OSBPL6: variants seen among roughly 807,000 people sequenced by gnomAD.
The protein encoded by OSBPL6 is oxysterol binding protein like 6.
In OSBPL6, 49 loss-of-function variants were observed where a neutral mutation model predicts 125.8. The ratio of observed to expected loss-of-function variants is 0.39; its 90% CI spans 0.31 to 0.49. OSBPL6 has a LOEUF of 0.49. Ranked by LOEUF, OSBPL6 falls within the 20% of genes least tolerant of loss-of-function variation. OSBPL6 has a pLI of 0.88. For missense variants in OSBPL6, 986 were observed against 1,135.4 expected, an observed-to-expected ratio of 0.87 and a Z score of 1.89; for synonymous variants, 394 against 391.8, an observed-to-expected ratio of 1.01 and a Z score of -0.07.
intron 1 of OSBPL6, among the ~76,000 whole-genome samples, chr2:178,247,244 T>C (rs1206857989): frequency 6.6e-6 from 1 of 152,168 alleles, no homozygotes; most frequent in Non-Finnish European, 1.5e-5. Flanking sequence ...TCAACTCTCA[T>C]TGCATTTCTT....
At chr2:178,296,956 CA>C (rs1685812099) in intron 2 of OSBPL6, among the ~76,000 whole-genome samples, 1 of 152,044 alleles carries the variant, frequency 6.6e-6, no homozygotes, top group Non-Finnish European at 1.5e-5. Context: ...GACAGGTTTT[CA>C]AAATTCTGCT....
In OSBPL6 at chr2:178,385,500, A is replaced by G; in HGVS notation, c.2056A>G (p.Lys686Glu). Residue 686 changes from lysine (K) to glutamate (E), a missense_variant, in exon 19 of 25, where the codon AAG becomes GAG. This residue lies in a region of OSBPL6 where 843 missense variants were observed against 997.3 expected (regional missense o/e 0.85). Coordinates refer to ENST00000190611, the MANE Select transcript of OSBPL6 (RefSeq NM_032523.4). ...CATTTCTGCCTGTCACTGTGAATCA[A>G]AGAATTTTGTGTTTTGGCAAGGTTT... ...PPISACHCES[K>E]NFVFWQDIRW... The G allele has an allele frequency of 6.2e-7, 1 of 1,610,966 alleles. No homozygotes were observed. Among genetic ancestry groups the G allele is most frequent in the Non-Finnish European group, 8.5e-7 (1 of 1,177,542 alleles).
At position 178,216,942 on chromosome 2, in the gene OSBPL6, G is replaced by A. The variant is rs187234599; in HGVS notation, c.-351+22268G>A. Among the ~76,000 whole-genome samples the A allele has an allele frequency of 4.6e-5, 7 of 152,282 alleles. No individual in the cohort carries two copies. In the East Asian group the frequency reaches 9.6e-4, roughly 21 times the overall value. On this transcript the variant is annotated intron_variant, in intron 1 of 24. Coordinates refer to ENST00000190611, the MANE Select transcript of OSBPL6 (RefSeq NM_032523.4). ...TGAAGAAGAGATTGGATAACTAAAT[G>A]TAATGCATGGTCCCAAATTGGATCC...
chr2:178,313,753 A>G (rs994813277), intron 3 of OSBPL6, among the ~76,000 whole-genome samples: 1 of 152,208 alleles, frequency 6.6e-6, no homozygotes, highest in African/African-American at 2.4e-5. Flanking sequence ...ATCAACAGCA[A>G]TGCATTTCAA....
At chr2:178,257,096 A>C (rs979944856) in intron 1 of OSBPL6, among the ~76,000 whole-genome samples, 1 of 152,376 alleles carries the variant, frequency 6.6e-6, no homozygotes, top group Admixed American at 6.5e-5. Context: ...GTTTCTAAGT[A>C]CAGTTGAGTC....
chr2:178,398,421 C>T lies in OSBPL6; in HGVS notation c.*2862C>T, dbSNP rs1695978287. 6.6e-6 allele frequency: 1 copy of T among 152,200 alleles called. No homozygotes were observed. Among genetic ancestry groups the T allele is most frequent in the African/African-American group, 2.4e-5 (1 of 41,436 alleles). 9.4% of individuals were successfully genotyped at this position (152,200 alleles called of 1,614,324 possible). A position where few individuals can be genotyped will look rare whatever the true frequency, so the allele number is the denominator to read the frequency against. On this transcript the variant is annotated 3_prime_UTR_variant, in exon 25 of 25. Coordinates refer to ENST00000190611, the MANE Select transcript of OSBPL6 (RefSeq NM_032523.4). ...TAATAAGTGACGATGATTCTGAGGA[C>T]TTGGCTAGACTGAGCGGATCAATGG...
chr2:178,272,600 G>A (rs1471335716), intron 1 of OSBPL6, among the ~76,000 whole-genome samples: 5 of 152,018 alleles, frequency 3.3e-5, no homozygotes, highest in African/African-American at 4.8e-5. Flanking sequence ...ATCACTAGTC[G>A]GTAAATGCCC....
intron 1 of OSBPL6, among the ~76,000 whole-genome samples, chr2:178,255,897 C>T (rs961295804): frequency 2.0e-5 from 3 of 152,100 alleles, no homozygotes; most frequent in African/African-American, 7.2e-5. Flanking sequence ...TGGAAGAAAA[C>T]GTTTGGTCCA....
intron 11 of OSBPL6, among the ~76,000 whole-genome samples, chr2:178,343,744 T>G (rs1690439699): frequency 6.6e-6 from 1 of 152,154 alleles, no homozygotes; most frequent in Non-Finnish European, 1.5e-5. Flanking sequence ...GATAGTGAGC[T>G]GTATAATAGG....
intron 1 of OSBPL6, among the ~76,000 whole-genome samples, chr2:178,251,924 A>G (rs1005537358): frequency 6.6e-6 from 1 of 152,090 alleles, no homozygotes; most frequent in African/African-American, 2.4e-5. Flanking sequence ...GCTTTCTTGT[A>G]TTTTCATGCT....
intron 2 of OSBPL6, among the ~76,000 whole-genome samples, chr2:178,298,338 T>C (rs1474667389): frequency 1.3e-5 from 2 of 152,242 alleles, no homozygotes. Context: ...ATGGACATGG[T>C]TGTACAGTAT....
At chr2:178,318,674 C>T (rs558792321) in intron 3 of OSBPL6, among the ~76,000 whole-genome samples, 1 of 152,204 alleles carries the variant, frequency 6.6e-6, no homozygotes, top group Non-Finnish European at 1.5e-5. Flanking sequence ...TCTCAACTCA[C>T]GTTGACAGCT....
At chr2:178,229,043 C>G (rs1004461407) in intron 1 of OSBPL6, among the ~76,000 whole-genome samples, 1 of 152,166 alleles carries the variant, frequency 6.6e-6, no homozygotes, top group Non-Finnish European at 1.5e-5. Flanking sequence ...ATGAGGGCCT[C>G]GTGCTGCTTC....
At position 178,398,774 on chromosome 2, in the gene OSBPL6, C is replaced by T. The variant is rs1695999663; in HGVS notation, c.*3215C>T. 6.6e-6 allele frequency: 1 copy of T among 152,006 alleles called. No individual in the cohort carries two copies. The highest frequency in any genetic ancestry group is 2.4e-5 in the African/African-American group (1 of 41,386). The allele number at this position is 152,006 out of a possible 1,614,324, so 9.4% of individuals were successfully genotyped here. On this transcript the variant is annotated 3_prime_UTR_variant, in exon 25 of 25. Coordinates refer to ENST00000190611, the MANE Select transcript of OSBPL6 (RefSeq NM_032523.4). ...ACCTTTTCCTCTAGATTATTCTGGC[C>T]CTAGGCCTTTCAGCAACCCCACTAA...
intron 5 of OSBPL6, among the ~76,000 whole-genome samples, chr2:178,328,655 T>C (rs932816749): frequency 3.3e-5 from 5 of 152,084 alleles, no homozygotes; most frequent in African/African-American, 1.2e-4. Flanking sequence ...GCCTGACTAA[T>C]TTTTTTATTT....
chr2:178,237,922 A>G (rs2091127592), intron 1 of OSBPL6, among the ~76,000 whole-genome samples: 1 of 152,210 alleles, frequency 6.6e-6, no homozygotes, highest in Admixed American at 6.5e-5. Flanking sequence ...CCACTGAATC[A>G]TCATCCAGTC....
At position 178,308,930 on chromosome 2, in the gene OSBPL6, C is replaced by G. The variant is rs528580659; in HGVS notation, c.102+2644C>G. Among the ~76,000 whole-genome samples, 8 of 152,290 alleles carry G rather than the reference C, an allele frequency of 5.3e-5. No homozygotes were observed. The South Asian group carries it at 1.7e-3, about 32-fold the overall frequency. ...AGTAGGGCAGATTCATGCTCAAAAT[C>G]CATCAGACTCATTGTTACCTACACA... On this transcript the variant is annotated intron_variant, in intron 3 of 24. Transcript: ENST00000190611.
chr2:178,217,132 G>A (rs907551115), intron 1 of OSBPL6, among the ~76,000 whole-genome samples: 1 of 152,220 alleles, frequency 6.6e-6, no homozygotes, highest in Non-Finnish European at 1.5e-5. Context: ...ATATACAGGA[G>A]TGAAGGGGCA....
intron 5 of OSBPL6, among the ~76,000 whole-genome samples, chr2:178,331,132 C>A (rs1689161381): frequency 6.6e-6 from 1 of 152,112 alleles, no homozygotes. Flanking sequence ...TCTGTGGTAT[C>A]CAGGGAAAAT....
Sources: allele counts gnomAD v4.1 joint callset (sites outside exome capture counted in the v4.1 genomes callset), GRCh38; gene constraint gnomAD v4.1.1; regional missense constraint gnomAD v4.1.1; transcripts MANE v1.5; gene names NCBI Gene and HGNC (gene_info 2026-07-23, HGNC 2026-07-21).